Variants in NAALADL2 observed in about 807,000 individuals in gnomAD.
NAALADL2 encodes the protein inactive N-acetylated-alpha-linked acidic dipeptidase-like protein 2.
A neutral mutation model predicts 87.2 loss-of-function variants in NAALADL2; 76 were observed. That is an observed-to-expected ratio of 0.87 (90% CI 0.72 to 1.05). NAALADL2 has a LOEUF of 1.05. NAALADL2 is among the 50% of genes least tolerant of loss of function. NAALADL2 has a pLI of 0.00. For missense variants in NAALADL2, 1,089 were observed against 945.8 expected (o/e 1.15, Z -1.99); for synonymous variants, 354 against 331.0 (o/e 1.07, Z -0.75).
At chr3:175,593,614 C>G (rs937037088) in intron 10 of NAALADL2, among the ~76,000 whole-genome samples, 3 of 152,266 alleles carry the variant, frequency 2.0e-5, no homozygotes, top group Admixed American at 6.5e-5. Flanking sequence ...CAAGGAGAAA[C>G]TGTTCCATGC....
chr3:174,819,701 G>A (rs1223313148), intron 3 of NAALADL2, among the ~76,000 whole-genome samples: 1 of 151,974 alleles, frequency 6.6e-6, no homozygotes, highest in Non-Finnish European at 1.5e-5. Flanking sequence ...TATAATTTTT[G>A]TATGAAGGTA....
At chr3:175,008,125 C>T (rs1037427610) in intron 1 of NAALADL2, among the ~76,000 whole-genome samples, 10 of 152,068 alleles carry the variant, frequency 6.6e-5, no homozygotes, top group Admixed American at 5.9e-4. Flanking sequence ...TGCCTATAAT[C>T]CCAGCATTTT....
intron 2 of NAALADL2, among the ~76,000 whole-genome samples, chr3:175,109,920 A>G (rs1723885373): frequency 6.6e-6 from 1 of 151,884 alleles, no homozygotes; most frequent in Non-Finnish European, 1.5e-5. Context: ...CTGAATTTCT[A>G]TTCATTTGTA....
chr3:175,691,401 T>C (rs1737027702), intron 11 of NAALADL2, among the ~76,000 whole-genome samples: 2 of 151,774 alleles, frequency 1.3e-5, no homozygotes, highest in African/African-American at 4.8e-5. Flanking sequence ...TTTGTGTGTG[T>C]GTGTATGTAT....
chr3:175,067,930 C>A (rs1714849480), intron 1 of NAALADL2, among the ~76,000 whole-genome samples: 1 of 151,926 alleles, frequency 6.6e-6, no homozygotes, highest in Non-Finnish European at 1.5e-5. Context: ...GAAATGAAGT[C>A]TTTGAAACAA....
intron 1 of NAALADL2, among the ~76,000 whole-genome samples, chr3:174,926,023 G>T (rs1735969775): frequency 6.6e-6 from 1 of 152,228 alleles, no homozygotes; most frequent in East Asian, 1.9e-4. Flanking sequence ...TGACTTGATA[G>T]AGCTGAAAAC....
intron 1 of NAALADL2, among the ~76,000 whole-genome samples, chr3:174,528,873 A>G (rs1720995551): frequency 6.6e-6 from 1 of 152,168 alleles, no homozygotes; most frequent in Admixed American, 6.5e-5. Context: ...ATTACCTCGC[A>G]CTGGGTCCCT....
intron 1 of NAALADL2, among the ~76,000 whole-genome samples, chr3:175,025,240 AT>A (rs1752070863): frequency 6.6e-6 from 1 of 152,028 alleles, no homozygotes; most frequent in Admixed American, 6.6e-5. Context: ...CAGCAGGCAT[AT>A]GAAAAAAAAA....
chr3:175,354,881 T>TACACACAC (rs142110969), intron 5 of NAALADL2, among the ~76,000 whole-genome samples: 1,986 of 146,914 alleles, frequency 0.014, 48 homozygotes, highest in African/African-American at 0.046. Flanking sequence ...TACATATATA[T>TACACACAC]ACACACACAC....
intron 1 of NAALADL2, among the ~76,000 whole-genome samples, chr3:175,011,946 C>T (rs1293724016): frequency 2.0e-5 from 3 of 152,046 alleles, no homozygotes; most frequent in East Asian, 1.9e-4. Context: ...AAAGCTATCG[C>T]CATTACAGTC....
intron 2 of NAALADL2, among the ~76,000 whole-genome samples, chr3:175,231,667 T>C (rs1034721622): frequency 4.6e-5 from 7 of 152,154 alleles, no homozygotes; most frequent in African/African-American, 1.7e-4. Flanking sequence ...CCCTGGTGGA[T>C]TTATGTTCAT....
chr3:174,650,745 A>G (rs999838602), intron 2 of NAALADL2, among the ~76,000 whole-genome samples: 1 of 152,144 alleles, frequency 6.6e-6, no homozygotes, highest in Non-Finnish European at 1.5e-5. Flanking sequence ...ATGAAGAGAC[A>G]TATTAGGATG....
intron 6 of NAALADL2, among the ~76,000 whole-genome samples, chr3:175,455,450 T>C (rs1722187498): frequency 6.6e-6 from 1 of 152,088 alleles, no homozygotes; most frequent in African/African-American, 2.4e-5. Context: ...AAATTGTCAA[T>C]TTTTACATTT....
chr3:174,909,046 T>C (rs1335242628), intron 1 of NAALADL2, among the ~76,000 whole-genome samples: 4 of 152,010 alleles, frequency 2.6e-5, no homozygotes, highest in African/African-American at 9.7e-5. Flanking sequence ...TGTAGCTATT[T>C]CATCTTAACT....
chr3:174,775,426 G>T (rs1337986083), intron 3 of NAALADL2, among the ~76,000 whole-genome samples: 2 of 152,068 alleles, frequency 1.3e-5, no homozygotes, highest in African/African-American at 4.8e-5. Flanking sequence ...GCTTGTTTCA[G>T]TTGGCATGTG....
At chr3:175,343,525 A>G (rs2148847144) in intron 5 of NAALADL2, among the ~76,000 whole-genome samples, 1 of 152,132 alleles carries the variant, frequency 6.6e-6, no homozygotes, top group Non-Finnish European at 1.5e-5. Flanking sequence ...TTAAGCAAGG[A>G]CACTTAGACA....
intron 3 of NAALADL2, among the ~76,000 whole-genome samples, chr3:174,854,297 A>G (rs1460954857): frequency 3.9e-5 from 6 of 152,204 alleles, no homozygotes; most frequent in African/African-American, 1.2e-4. Context: ...TAAATATTGC[A>G]TGTTCTCACT....
chr3:174,520,594 A>G (rs1720214438), intron 1 of NAALADL2, among the ~76,000 whole-genome samples: 1 of 152,222 alleles, frequency 6.6e-6, no homozygotes, highest in South Asian at 2.1e-4. Flanking sequence ...ACCTGATACT[A>G]TAAAAATTAT....
intron 2 of NAALADL2, among the ~76,000 whole-genome samples, chr3:174,717,358 G>A (rs769429132): frequency 1.6e-4 from 24 of 152,214 alleles, no homozygotes; most frequent in East Asian, 3.9e-4. Flanking sequence ...TCAGTTTGTC[G>A]GCTGAAGTGT....
Sources: gnomAD v4.1 joint callset for allele counts (sites outside exome capture counted in the v4.1 genomes callset) on GRCh38, gnomAD v4.1.1 for gene constraint, MANE v1.5 for transcripts, NCBI Gene and HGNC (gene_info 2026-07-23, HGNC 2026-07-21) for gene names.